The following CCT8 variants were observed in gnomAD, a reference collection of about 807,000 sequenced individuals.
CCT8 encodes chaperonin containing TCP1 subunit 8.
Under a neutral mutation model 65.7 loss-of-function variants are expected in CCT8, and 10 were observed. That is an observed-to-expected ratio of 0.15 (90% CI 0.09 to 0.26). The LOEUF is 0.26. CCT8 is among the 10% of genes least tolerant of loss of function. The probability of loss-of-function intolerance (pLI) is 1.00; values close to 1 mark genes in which losing one functional copy is unlikely to be tolerated. For synonymous variants in CCT8, 199 were observed against 221.8 expected (o/e 0.90, Z 0.92); for missense variants, 568 against 669.1 (o/e 0.85, Z 1.67).
At chr21:29,067,948 C>T (rs1360988594) in intron 3 of CCT8, among the ~76,000 whole-genome samples, 3 of 152,134 alleles carry the variant, frequency 2.0e-5, no homozygotes, top group African/African-American at 7.2e-5. Context: ...CTTTTGGTGG[C>T]CTGCACATAC....
chr21:29,068,335 A>G (rs918640265), intron 3 of CCT8, among the ~76,000 whole-genome samples: 2 of 152,220 alleles, frequency 1.3e-5, no homozygotes, highest in Non-Finnish European at 1.5e-5. Flanking sequence ...CTGTACTTTA[A>G]TAACTCCTGA....
In CCT8 at chr21:29,056,465, T is replaced by TAAGCC. The variant is rs752837551; in HGVS notation, c.*5_*9dup. 42 of 1,480,994 alleles carry TAAGCC rather than the reference T, an allele frequency of 2.8e-5. No individual in the cohort carries two copies. The African/African-American group carries it at 5.6e-4, about 20-fold the overall frequency. The allele number at this position is 1,480,994 out of a possible 1,614,324, so 91.7% of individuals were successfully genotyped here. ...TACAGCCTTCACCTACAGTAAAAAT[T>TAAGCC]AAGCCAATTTCAATCATTTTGGTCA... is the stretch of plus-strand genomic sequence containing the variant. On this transcript the variant is annotated 3_prime_UTR_variant, in exon 15 of 15. Coordinates refer to ENST00000286788, the MANE Select transcript of CCT8 (RefSeq NM_006585.4).
At chr21:29,067,796 TTGTAGA>T in intron 3 of CCT8, 91 bp from the exon 4 acceptor site, 6 of 960,040 alleles carry the variant, frequency 6.2e-6, no homozygotes, top group Non-Finnish European at 8.6e-6. Context: ...CTCAATTTTC[TTGTAGA>T]TTAGGTAACT....
At chr21:29,068,493 T>C (rs1376033353) in intron 3 of CCT8, among the ~76,000 whole-genome samples, 1 of 152,116 alleles carries the variant, frequency 6.6e-6, no homozygotes, top group African/African-American at 2.4e-5. Context: ...GGAGTCTTGC[T>C]CTGTCGCCCA....
chr21:29,072,407 G>A (rs1483965680), intron 1 of CCT8, among the ~76,000 whole-genome samples: 1 of 152,062 alleles, frequency 6.6e-6, no homozygotes, highest in Non-Finnish European at 1.5e-5. Flanking sequence ...TACTAGCACT[G>A]GAATGACAAA....
intron 8 of CCT8, 39 bp downstream of exon 8, chr21:29,063,313 T>C (rs993164193): frequency 6.5e-7 from 1 of 1,546,330 alleles, no homozygotes; most frequent in Non-Finnish European, 8.9e-7. Flanking sequence ...AAAAAACCAT[T>C]TATGATATAG....
chr21:29,073,365 G>A lies in CCT8; in HGVS notation c.60+166C>T, dbSNP rs1028685658. 53 of 1,432,200 alleles carry A rather than the reference G, an allele frequency of 3.7e-5. No homozygotes were observed. In the African/African-American group the frequency reaches 6.9e-4, roughly 19 times the overall value. The allele number at this position is 1,432,200 out of a possible 1,614,324, so 88.7% of individuals were successfully genotyped here. ...AAGAAGAGAAGTGCCCGCAGGCTCC[G>A]GTGGCCGAGCCCTTCCAAAATCACC... is the stretch of plus-strand genomic sequence containing the variant. On this transcript the variant is annotated intron_variant, in intron 1 of 14. Coordinates refer to ENST00000286788, the MANE Select transcript of CCT8 (RefSeq NM_006585.4).
intron 8 of CCT8, 93 bp from the exon 9 acceptor site, chr21:29,062,649 C>T: frequency 1.1e-6 from 1 of 910,312 alleles, no homozygotes; most frequent in East Asian, 2.6e-5. Flanking sequence ...TACCAGCCCC[C>T]ATGTCACATT....
chr21:29,065,839 T>C (rs992080546), intron 6 of CCT8, among the ~76,000 whole-genome samples: 5 of 152,156 alleles, frequency 3.3e-5, no homozygotes, highest in Non-Finnish European at 2.9e-5. Context: ...TCTCAGCACT[T>C]TGGGAGGCCA....
intron 14 of CCT8, chr21:29,059,542 T>C (rs2085540321): frequency 6.6e-6 from 1 of 152,258 alleles, no homozygotes; most frequent in Admixed American, 6.5e-5. Context: ...CCGTCCCTGC[T>C]ATTTTTGGTT....
At chr21:29,058,748 C>T (rs968190066) in intron 14 of CCT8, among the ~76,000 whole-genome samples, 31 of 150,960 alleles carry the variant, frequency 2.1e-4, no homozygotes, top group Admixed American at 2.6e-4. Context: ...TCTGCCACCA[C>T]GCCCAGCTAA....
chr21:29,067,009 A>G lies in CCT8; in HGVS notation c.444T>C (p.Cys148=). ...KAHEILPNLV[C]CSAKNLRDID... ...TATCTCGAAGGTTTTTTGCAGAACA[A>G]CATACCAAATTAGGAAGAATCTCAT... The change falls in exon 5 of 15, where the codon TGT becomes TGC. Residue 148 remains cysteine (C), a synonymous_variant. Transcript: ENST00000286788. The G allele has an allele frequency of 6.2e-7, 1 of 1,613,788 alleles. No individual in the cohort carries two copies.
chr21:29,064,412 A>T (rs1478600478), intron 7 of CCT8, among the ~76,000 whole-genome samples: 16 of 134,084 alleles, frequency 1.2e-4, no homozygotes, highest in African/African-American at 4.2e-4. Flanking sequence ...AAGACTCTAA[A>T]AAAAAAAAAA....
intron 8 of CCT8, chr21:29,062,767 A>G: frequency 1.7e-6 from 1 of 591,224 alleles, no homozygotes; most frequent in Non-Finnish European, 3.0e-6. Flanking sequence ...CAATAGTACC[A>G]CATCTTAAGC....
intron 6 of CCT8, among the ~76,000 whole-genome samples, chr21:29,066,378 T>C (rs1367666971): frequency 6.6e-6 from 1 of 151,914 alleles, no homozygotes; most frequent in Admixed American, 6.6e-5. Context: ...CCATCTCTAC[T>C]AAAAATACAA....
At chr21:29,070,076 A>T (rs973442225) in intron 2 of CCT8, among the ~76,000 whole-genome samples, 171 bp downstream of exon 2, 2 of 152,136 alleles carry the variant, frequency 1.3e-5, no homozygotes, top group Non-Finnish European at 2.9e-5. Context: ...TTCTAAAGAG[A>T]TGTGAGTTGA....
chr21:29,068,421 TTTAAC>T (rs1383651423), intron 3 of CCT8, among the ~76,000 whole-genome samples: 3 of 152,208 alleles, frequency 2.0e-5, no homozygotes, highest in Non-Finnish European at 2.9e-5. Context: ...AAATTTAACT[TTTAAC>T]TTAAGTTCTT....
rs936922097 is a variant in CCT8, at chr21:29,073,637, G to A, written c.-47C>T. 6 of 1,572,386 alleles carry A rather than the reference G, an allele frequency of 3.8e-6. No homozygotes were observed. Among genetic ancestry groups the A allele is most frequent in the Non-Finnish European group, 3.5e-6 (4 of 1,143,696 alleles). On this transcript the variant is annotated 5_prime_UTR_variant, in exon 1 of 15. Transcript: ENST00000286788. ...TCACGCGACCGCTCGGAAGACCGCG[G>A]AGGAAGCGAGGAGCACGCACAGCCT...
At chr21:29,060,485 C>T in intron 14 of CCT8, 56 bp downstream of exon 14, 1 of 1,562,616 alleles carries the variant, frequency 6.4e-7, no homozygotes, top group Non-Finnish European at 8.8e-7. Context: ...GGAAAATATA[C>T]TATTAAACAG....
Sources: gnomAD v4.1 joint callset for allele counts (sites outside exome capture counted in the v4.1 genomes callset) on GRCh38, gnomAD v4.1.1 for gene constraint, MANE v1.5 for transcripts, NCBI Gene and HGNC (gene_info 2026-07-23, HGNC 2026-07-21) for gene names.